Variants in BIRC6 observed in about 807,000 individuals in gnomAD.
The protein encoded by BIRC6 is dual E2 ubiquitin-conjugating enzyme/E3 ubiquitin-protein ligase BIRC6.
A neutral mutation model predicts 503.3 loss-of-function variants in BIRC6; 98 were observed. That is an observed-to-expected ratio of 0.19 (90% CI 0.17 to 0.23). The LOEUF (loss-of-function observed/expected upper bound fraction) is 0.23. Among genes scored for constraint, BIRC6 ranks in the 10% least tolerant of loss-of-function variants. The pLI is 1.00. For missense variants in BIRC6, 5,360 were observed against 5,806.0 expected (o/e 0.92, Z 2.50); for synonymous variants, 2,240 against 2,078.7 (o/e 1.08, Z -2.11).
chr2:32,362,479 C>G (rs1202049594), intron 1 of BIRC6, among the ~76,000 whole-genome samples: 1 of 151,906 alleles, frequency 6.6e-6, no homozygotes, highest in Admixed American at 6.6e-5. Context: ...CCAGACCCGG[C>G]TAATTTTTTT....
At chr2:32,504,572 C>T (rs1455948874) in intron 49 of BIRC6, among the ~76,000 whole-genome samples, 1 of 151,966 alleles carries the variant, frequency 6.6e-6, no homozygotes, top group East Asian at 1.9e-4. Context: ...GAGGCTGAGG[C>T]AGGAGAATGG....
At chr2:32,533,759 T>C (rs1005378389) in intron 61 of BIRC6, among the ~76,000 whole-genome samples, 2 of 152,162 alleles carry the variant, frequency 1.3e-5, no homozygotes, top group African/African-American at 4.8e-5. Context: ...CTCTGGAAGC[T>C]GGAAAAGGTG....
chr2:32,442,420 C>A lies in BIRC6; in HGVS notation c.4203C>A (p.Ala1401=). The A allele has an allele frequency of 6.2e-7, 1 of 1,609,488 alleles. No homozygotes were observed. Among genetic ancestry groups the A allele is most frequent in the Non-Finnish European group, 8.5e-7 (1 of 1,177,802 alleles). Residue 1401 remains alanine (A), a synonymous_variant, in exon 19 of 74, where the codon GCC becomes GCA. Transcript: ENST00000421745. ...VCFFEAGRSI[A]HKCARFLALC... is the part of the protein sequence containing the mutation. ...TCTTTGAGGCAGGACGAAGTATAGC[C>A]CATAAGTGTGCCCGATTTCTAGCCT...
chr2:32,482,612 T>C (rs779051946), intron 39 of BIRC6, 30 bp downstream of exon 39: 5 of 1,608,452 alleles, frequency 3.1e-6, no homozygotes, highest in Admixed American at 1.7e-5. Flanking sequence ...TTAAGACATA[T>C]GCTATTCTTA....
intron 16 of BIRC6, 83 bp downstream of exon 16, chr2:32,439,769 A>C (rs1213737752): frequency 8.1e-7 from 1 of 1,240,068 alleles, no homozygotes; most frequent in Non-Finnish European, 1.1e-6. Context: ...AAGTAGTATG[A>C]CCTTTCAGTG....
At chr2:32,587,438 G>C (rs1281223208) in intron 66 of BIRC6, among the ~76,000 whole-genome samples, 1 of 152,076 alleles carries the variant, frequency 6.6e-6, no homozygotes, top group Non-Finnish European at 1.5e-5. Flanking sequence ...ATTTTTAGTT[G>C]AAAAAAATCT....
intron 66 of BIRC6, among the ~76,000 whole-genome samples, chr2:32,577,648 C>A (rs2060352458): frequency 6.6e-6 from 1 of 152,028 alleles, no homozygotes; most frequent in Non-Finnish European, 1.5e-5. Flanking sequence ...ACCTATAGTG[C>A]CTCTTTGGTC....
chr2:32,407,836 C>T (rs1387082142), intron 9 of BIRC6, among the ~76,000 whole-genome samples: 2 of 151,832 alleles, frequency 1.3e-5, no homozygotes, highest in Non-Finnish European at 2.9e-5. Flanking sequence ...ATGTGTAATT[C>T]GTTCTAGAGA....
chr2:32,601,472 T>C (rs1295901951), intron 70 of BIRC6, among the ~76,000 whole-genome samples: 2 of 152,130 alleles, frequency 1.3e-5, no homozygotes, highest in Non-Finnish European at 2.9e-5. Flanking sequence ...TCCCAGCTAC[T>C]TGGGAGGCTG....
At chr2:32,429,663 G>A (rs1490950557) in intron 11 of BIRC6, among the ~76,000 whole-genome samples, 2 of 152,024 alleles carry the variant, frequency 1.3e-5, no homozygotes, top group African/African-American at 2.4e-5. Context: ...TGAATCTCTC[G>A]ATAGGTTTGT....
chr2:32,377,889 T>C, intron 2 of BIRC6, 120 bp downstream of exon 2: 1 of 819,628 alleles, frequency 1.2e-6, no homozygotes, highest in Non-Finnish European at 1.8e-6. Context: ...ATAAAAACAA[T>C]TTACTTATTG....
intron 2 of BIRC6, 59 bp downstream of exon 2, chr2:32,377,828 A>G: frequency 1.4e-6 from 2 of 1,395,688 alleles, no homozygotes; most frequent in Non-Finnish European, 1.9e-6. Context: ...GACATATTAG[A>G]TGTTAAATGA....
chr2:32,404,379 G>A (rs2040955622), intron 8 of BIRC6, among the ~76,000 whole-genome samples: 1 of 151,050 alleles, frequency 6.6e-6, no homozygotes, highest in South Asian at 2.1e-4. Flanking sequence ...GTGCAGTGGT[G>A]CGATCCTGGT....
intron 21 of BIRC6, among the ~76,000 whole-genome samples, chr2:32,446,744 T>TG (rs2045992316): frequency 1.1e-4 from 14 of 122,130 alleles, no homozygotes; most frequent in South Asian, 2.9e-4. Flanking sequence ...CGCTGTTTTT[T>TG]TTTTTTTTTT....
At position 32,469,423 on chromosome 2, in the gene BIRC6, C is replaced by G; in HGVS notation, c.6156C>G (p.Ser2052Arg). Reference sequence around the variant, plus strand: ...ACTCTGTTCCTGCAGTTTTGCAGAGCACATTTCATGCCCAGGCCTGTGAAG... The same window carrying G: ...ACTCTGTTCCTGCAGTTTTGCAGAGGACATTTCATGCCCAGGCCTGTGAAG... ...NGHSVPAVLQSTFHAQACEEL... is the reference protein window; with the variant it reads ...NGHSVPAVLQRTFHAQACEEL... The change falls in exon 30 of 74, where the codon AGC becomes AGG. Residue 2052 changes from serine (S) to arginine (R), a missense_variant. Around this residue, in one of 16 missense-constraint regions of BIRC6, gnomAD observed 2,299 missense variants for 2,267.2 expected, o/e 1.01. Transcript: ENST00000421745. 6 of 1,613,666 alleles carry G rather than the reference C, an allele frequency of 3.7e-6. No homozygotes were observed. The highest frequency in any genetic ancestry group is 5.1e-6 in the Non-Finnish European group (6 of 1,179,744).
chr2:32,505,746 A>G lies in BIRC6; in HGVS notation c.9700+541A>G, dbSNP rs565728214. Among the ~76,000 whole-genome samples, 4 of 152,352 alleles carry G rather than the reference A, an allele frequency of 2.6e-5. No individual in the cohort carries two copies. In the South Asian group the frequency reaches 6.2e-4, roughly 24 times the overall value. ...TTCGTTTGTTGCATGTTCATTGAAT[A>G]CATTTTATTGAACTTTGTAAGGCAA... On this transcript the variant is annotated intron_variant, in intron 50 of 73. Coordinates refer to ENST00000421745, the MANE Select transcript of BIRC6 (RefSeq NM_016252.4).
At chr2:32,433,093 C>T (rs1443756808) in intron 12 of BIRC6, among the ~76,000 whole-genome samples, 1 of 152,148 alleles carries the variant, frequency 6.6e-6, no homozygotes, top group Non-Finnish European at 1.5e-5. Flanking sequence ...TAAAGGATAG[C>T]TTTCAGGTTT....
intron 61 of BIRC6, among the ~76,000 whole-genome samples, chr2:32,535,062 C>T (rs1002699233): frequency 1.5e-4 from 22 of 146,106 alleles, no homozygotes; most frequent in African/African-American, 5.3e-4. Flanking sequence ...ATCCCAGCTA[C>T]TCAGGAGACT....
intron 69 of BIRC6, among the ~76,000 whole-genome samples, chr2:32,598,244 A>G (rs1219405203): frequency 6.7e-6 from 1 of 150,068 alleles, no homozygotes; most frequent in African/African-American, 2.5e-5. Flanking sequence ...ATGTTAGTTC[A>G]GAGTGTGTGG....
Sources: allele counts gnomAD v4.1 joint callset (sites outside exome capture counted in the v4.1 genomes callset), GRCh38; gene constraint gnomAD v4.1.1; regional missense constraint gnomAD v4.1.1; transcripts MANE v1.5; gene names NCBI Gene and HGNC (gene_info 2026-07-23, HGNC 2026-07-21).